Variants in CHL1 observed in about 807,000 individuals in gnomAD.
CHL1 encodes cell adhesion molecule L1 like.
A neutral mutation model predicts 141.9 loss-of-function variants in CHL1; 96 were observed. The ratio of observed to expected loss-of-function variants is 0.68; its 90% CI spans 0.57 to 0.80. CHL1 has a LOEUF of 0.80. Among genes scored for constraint, CHL1 ranks in the 30% least tolerant of loss-of-function variants. The pLI is 0.00. For synonymous variants in CHL1, 613 were observed against 502.2 expected (o/e 1.22, Z -2.95); for missense variants, 1,820 against 1,457.2 (o/e 1.25, Z -4.05).
chr3:290,024 C>G (rs774386866), intron 2 of CHL1, among the ~76,000 whole-genome samples: 2 of 149,090 alleles, frequency 1.3e-5, no homozygotes, highest in African/African-American at 2.5e-5. Context: ...CCAATAGCAC[C>G]GTAACTCACC....
intron 10 of CHL1, among the ~76,000 whole-genome samples, chr3:350,993 C>T (rs892677951): frequency 6.6e-6 from 1 of 152,104 alleles, no homozygotes; most frequent in Non-Finnish European, 1.5e-5. Context: ...ACCCCCTCCT[C>T]CCCTCCCTGG....
intron 23 of CHL1, among the ~76,000 whole-genome samples, chr3:392,209 A>G (rs1265030803): frequency 6.6e-6 from 1 of 152,210 alleles, no homozygotes; most frequent in Non-Finnish European, 1.5e-5. Context: ...TATATATAAG[A>G]TGTTTGGAGA....
intron 16 of CHL1, among the ~76,000 whole-genome samples, chr3:380,779 A>G (rs1706932952): frequency 6.6e-6 from 1 of 152,228 alleles, no homozygotes; most frequent in Non-Finnish European, 1.5e-5. Context: ...CTCTTTTTCT[A>G]TAACCATAAG....
At chr3:334,764 G>C (rs749204423) in intron 5 of CHL1, among the ~76,000 whole-genome samples, 5 of 152,098 alleles carry the variant, frequency 3.3e-5, no homozygotes, top group Non-Finnish European at 7.4e-5. Flanking sequence ...GCATTTAGTT[G>C]TGTACTGTTA....
At chr3:287,552 T>G (rs958362901) in intron 2 of CHL1, among the ~76,000 whole-genome samples, 4 of 152,228 alleles carry the variant, frequency 2.6e-5, no homozygotes, top group African/African-American at 7.2e-5. Context: ...TCCTAAAATG[T>G]CTTCTACTCA....
intron 26 of CHL1, among the ~76,000 whole-genome samples, chr3:401,117 G>T (rs13099480): frequency 0.17 from 25,337 of 151,926 alleles, 2,805 homozygotes; most frequent in East Asian, 0.46. Context: ...GCCCAGGCTG[G>T]TTTCAAACTC....
chr3:401,588 C>G (rs763714174), intron 26 of CHL1, 38 bp from the exon 27 acceptor site: 1 of 1,162,494 alleles, frequency 8.6e-7, no homozygotes, highest in South Asian at 1.3e-5. Context: ...TTTAAATGGT[C>G]ACTGTATTAC....
At chr3:242,464 TGG>T (rs1692726065) in intron 1 of CHL1, among the ~76,000 whole-genome samples, 3 of 145,412 alleles carry the variant, frequency 2.1e-5, no homozygotes, top group Middle Eastern at 3.5e-3. Flanking sequence ...GGCGTGGTGG[TGG>T]GCGCCTGTAG....
chr3:250,214 C>T (rs762380011), intron 2 of CHL1, among the ~76,000 whole-genome samples: 3 of 152,052 alleles, frequency 2.0e-5, no homozygotes, highest in Non-Finnish European at 4.4e-5. Flanking sequence ...ATTCTCCTGC[C>T]TCAGCCTCCC....
At chr3:289,348 C>T (rs1486672488) in intron 2 of CHL1, among the ~76,000 whole-genome samples, 1 of 152,066 alleles carries the variant, frequency 6.6e-6, no homozygotes, top group East Asian at 1.9e-4. Flanking sequence ...TTGCTTTATT[C>T]CCTGTTGTGG....
At chr3:340,371 C>A (rs1261366264) in intron 5 of CHL1, among the ~76,000 whole-genome samples, 1 of 152,158 alleles carries the variant, frequency 6.6e-6, no homozygotes, top group Non-Finnish European at 1.5e-5. Flanking sequence ...ATTTGCCAAT[C>A]ACATTCAAGG....
chr3:272,511 A>C (rs1033482704), intron 2 of CHL1, among the ~76,000 whole-genome samples: 1 of 152,234 alleles, frequency 6.6e-6, no homozygotes, highest in African/African-American at 2.4e-5. Flanking sequence ...TAAGACCCAT[A>C]TTCTGTCCTC....
intron 2 of CHL1, among the ~76,000 whole-genome samples, chr3:281,298 A>C (rs1559194945): frequency 6.6e-6 from 1 of 152,062 alleles, no homozygotes; most frequent in Non-Finnish European, 1.5e-5. Flanking sequence ...TTTGCCCACA[A>C]ACTTGAGAAT....
At chr3:279,103 A>G (rs1696411590) in intron 2 of CHL1, among the ~76,000 whole-genome samples, 1 of 152,208 alleles carries the variant, frequency 6.6e-6, no homozygotes, top group African/African-American at 2.4e-5. Flanking sequence ...AAATAGATTA[A>G]TGGGATTTAG....
At chr3:355,647 C>T (rs1003102586) in intron 11 of CHL1, among the ~76,000 whole-genome samples, 7 of 152,170 alleles carry the variant, frequency 4.6e-5, no homozygotes, top group African/African-American at 1.7e-4. Flanking sequence ...GATAACAGAC[C>T]TCGGGTCCCG....
At chr3:205,208 T>G (rs1049954424) in intron 1 of CHL1, among the ~76,000 whole-genome samples, 1 of 151,600 alleles carries the variant, frequency 6.6e-6, no homozygotes, top group Non-Finnish European at 1.5e-5. Context: ...ACTCCTGGGC[T>G]CAAGTTATTC....
At chr3:226,170 A>G (rs1701326970) in intron 1 of CHL1, among the ~76,000 whole-genome samples, 1 of 150,004 alleles carries the variant, frequency 6.7e-6, no homozygotes, top group South Asian at 2.1e-4. Flanking sequence ...ACAGGCATGC[A>G]CCACTATGCC....
At chr3:244,986 T>C (rs1693026044) in intron 2 of CHL1, among the ~76,000 whole-genome samples, 1 of 152,176 alleles carries the variant, frequency 6.6e-6, no homozygotes, top group Non-Finnish European at 1.5e-5. Context: ...ATATTTATAA[T>C]ATTTATCAAA....
chr3:361,778 G>A lies in CHL1; in HGVS notation c.1386G>A (p.Glu462=). ...VVGYSAFLHC[E]FFASPEAVVS... ...GGTACAGTGCTTTCTTACATTGCGA[G>A]TTCTTTGCTTCACCTGAGGCAGTCG... Residue 462 remains glutamate, a synonymous_variant, in exon 13 of 28, where the codon GAG becomes GAA. Transcript: ENST00000256509. 2.5e-6 allele frequency: 4 copies of A among 1,613,530 alleles called. No individual in the cohort carries two copies. The highest frequency in any genetic ancestry group is 2.5e-6 in the Non-Finnish European group (3 of 1,179,500).
Sources: gnomAD v4.1 joint callset for allele counts (sites outside exome capture counted in the v4.1 genomes callset) on GRCh38, gnomAD v4.1.1 for gene constraint, MANE v1.5 for transcripts, NCBI Gene and HGNC (gene_info 2026-07-23, HGNC 2026-07-21) for gene names.